Variants in POU6F2 observed in about 807,000 individuals in gnomAD.
POU6F2 encodes the protein POU domain, class 6, transcription factor 2.
A neutral mutation model predicts 71.3 loss-of-function variants in POU6F2; 31 were observed. That is an observed-to-expected ratio of 0.43 (90% CI 0.33 to 0.59). The LOEUF is 0.59. Ranked by LOEUF, POU6F2 falls within the 20% of genes least tolerant of loss-of-function variation. The pLI is 0.04. For missense variants in POU6F2, 783 were observed against 856.8 expected (o/e 0.91, Z 1.07); for synonymous variants, 347 against 355.7 (o/e 0.98, Z 0.27).
At chr7:39,129,936 A>G (rs996942716) in intron 2 of POU6F2, among the ~76,000 whole-genome samples, 1 of 151,830 alleles carries the variant, frequency 6.6e-6, no homozygotes, top group Non-Finnish European at 1.5e-5. Context: ...GCGTGGTGGC[A>G]GGTGCCTGTA....
chr7:39,370,434 G>A (rs914363110), intron 5 of POU6F2, among the ~76,000 whole-genome samples: 7 of 152,334 alleles, frequency 4.6e-5, no homozygotes, highest in Non-Finnish European at 1.0e-4. Flanking sequence ...TTGAGGTTGT[G>A]GAACTTGAGC....
intron 4 of POU6F2, among the ~76,000 whole-genome samples, chr7:39,278,160 A>G (rs1784493057): frequency 6.6e-6 from 1 of 151,570 alleles, no homozygotes; most frequent in African/African-American, 2.4e-5. Context: ...GATGAGAAGC[A>G]GCTCCTCTAG....
At chr7:39,175,832 T>A (rs1793316893) in intron 2 of POU6F2, among the ~76,000 whole-genome samples, 2 of 151,992 alleles carry the variant, frequency 1.3e-5, no homozygotes, top group South Asian at 4.2e-4. Flanking sequence ...AAGACCCCAC[T>A]CCAGAAACCT....
chr7:39,379,872 C>A (rs1786792911), intron 5 of POU6F2, among the ~76,000 whole-genome samples: 1 of 152,120 alleles, frequency 6.6e-6, no homozygotes, highest in South Asian at 2.1e-4. Context: ...GGTAAAATGC[C>A]TTTCTAGACA....
chr7:39,089,136 A>G (rs1791313850), intron 2 of POU6F2, among the ~76,000 whole-genome samples: 1 of 152,222 alleles, frequency 6.6e-6, no homozygotes, highest in African/African-American at 2.4e-5. Context: ...TAATTACATC[A>G]GTGGTAACGT....
intron 2 of POU6F2, among the ~76,000 whole-genome samples, chr7:39,104,720 T>C (rs1791641331): frequency 6.6e-6 from 1 of 152,240 alleles, no homozygotes; most frequent in African/African-American, 2.4e-5. Flanking sequence ...ACTCTACTTT[T>C]GATAAGTGTC....
chr7:39,322,549 C>T (rs558027237), intron 4 of POU6F2, among the ~76,000 whole-genome samples: 3 of 152,304 alleles, frequency 2.0e-5, no homozygotes, highest in Non-Finnish European at 2.9e-5. Flanking sequence ...TCCAGATAAC[C>T]TTTCAGGGCT....
At chr7:39,451,074 T>C (rs544800131) in intron 7 of POU6F2, among the ~76,000 whole-genome samples, 1 of 152,266 alleles carries the variant, frequency 6.6e-6, no homozygotes, top group Non-Finnish European at 1.5e-5. Context: ...TCAGCCTACA[T>C]TGGAACTTTT....
chr7:39,428,468 G>A (rs1041763694), intron 6 of POU6F2, among the ~76,000 whole-genome samples: 1 of 152,188 alleles, frequency 6.6e-6, no homozygotes, highest in African/African-American at 2.4e-5. Context: ...AAGACATAGA[G>A]GATCATTGCA....
In POU6F2 at chr7:39,433,064, C is replaced by G. The variant is rs746049765; in HGVS notation, c.1114-13C>G. 6.2e-7 allele frequency: 1 copy of G among 1,612,122 alleles called. No homozygotes were observed. The highest frequency in any genetic ancestry group is 8.5e-7 in the Non-Finnish European group (1 of 1,178,620). ...CACCGAGCCAGCTCCTCACCTTTGGCCCTCTCTTGCAGATTATCGGGACCA... is the reference window on the plus strand; with the variant it reads ...CACCGAGCCAGCTCCTCACCTTTGGGCCTCTCTTGCAGATTATCGGGACCA... On this transcript the variant is annotated splice_polypyrimidine_tract_variant and intron_variant, in intron 6 of 9. Transcript: ENST00000518318.
intron 2 of POU6F2, among the ~76,000 whole-genome samples, chr7:39,147,720 T>A (rs1021202700): frequency 9.8e-5 from 15 of 152,298 alleles, no homozygotes; most frequent in Non-Finnish European, 1.9e-4. Flanking sequence ...CATGGGATGC[T>A]CTGGAAATTT....
At chr7:39,044,690 G>A (rs746809125) in intron 1 of POU6F2, among the ~76,000 whole-genome samples, 9 of 152,090 alleles carry the variant, frequency 5.9e-5, no homozygotes, top group East Asian at 3.9e-4. Context: ...ACAGGATGTC[G>A]TTTCTCACAG....
chr7:39,148,526 G>C (rs1164026400), intron 2 of POU6F2, among the ~76,000 whole-genome samples: 1 of 151,606 alleles, frequency 6.6e-6, no homozygotes, highest in East Asian at 1.9e-4. Context: ...TAATGATGTT[G>C]ATGATGATAG....
intron 4 of POU6F2, among the ~76,000 whole-genome samples, chr7:39,277,972 G>A (rs950122176): frequency 7.2e-5 from 11 of 151,980 alleles, no homozygotes; most frequent in African/African-American, 1.9e-4. Flanking sequence ...CAGGAGAATC[G>A]CTTGAAGCTG....
At chr7:39,419,128 TATAC>T (rs1303141956) in intron 6 of POU6F2, among the ~76,000 whole-genome samples, 1 of 137,232 alleles carries the variant, frequency 7.3e-6, no homozygotes, top group Non-Finnish European at 1.5e-5. Flanking sequence ...TATGTGTATA[TATAC>T]ACATATATAT....
Position 39,453,526 on chromosome 7 carries a change from T to C in POU6F2, c.1489+1825T>C, listed in dbSNP as rs1269005219. On this transcript the variant is annotated intron_variant, in intron 8 of 9. Transcript: ENST00000518318. ...AGAAGTACAAACAACCTCCTACTAATACAGTGTTTCACACAAGGTAAATAG... is the reference window on the plus strand; with the variant it reads ...AGAAGTACAAACAACCTCCTACTAACACAGTGTTTCACACAAGGTAAATAG... Among the ~76,000 whole-genome samples, 4 of 152,178 alleles carry C rather than the reference T, an allele frequency of 2.6e-5. No homozygotes were observed. The East Asian group carries it at 5.8e-4, about 22-fold the overall frequency.
chr7:39,086,072 G>T, intron 2 of POU6F2, 41 bp downstream of exon 2: 1 of 1,587,168 alleles, frequency 6.3e-7, no homozygotes, highest in Non-Finnish European at 8.6e-7. Flanking sequence ...CTACCATGTT[G>T]TCCGGAAGAG....
At chr7:39,343,653 G>T (rs896200230) in intron 5 of POU6F2, among the ~76,000 whole-genome samples, 1 of 152,126 alleles carries the variant, frequency 6.6e-6, no homozygotes, top group African/African-American at 2.4e-5. Flanking sequence ...CCCAGTCATG[G>T]TGTAGGTGGA....
At chr7:39,036,960 C>T (rs1168550288) in intron 1 of POU6F2, among the ~76,000 whole-genome samples, 3 of 151,564 alleles carry the variant, frequency 2.0e-5, no homozygotes, top group South Asian at 4.2e-4. Flanking sequence ...AGGTAAATTT[C>T]GTGTCATGGG....
Sources: allele counts gnomAD v4.1 joint callset (sites outside exome capture counted in the v4.1 genomes callset), GRCh38; gene constraint gnomAD v4.1.1; transcripts MANE v1.5; gene names NCBI Gene and HGNC (gene_info 2026-07-23, HGNC 2026-07-21).